Variants in ZBTB8A observed in about 807,000 individuals in gnomAD.
The protein encoded by ZBTB8A is zinc finger and BTB domain containing 8A.
ZBTB8A carries 19 observed loss-of-function variants against 37.8 expected under a neutral mutation model. The observed-to-expected ratio is 0.50, with a 90% CI of 0.35 to 0.74. The LOEUF is 0.74. Among genes scored for constraint, ZBTB8A ranks in the 30% least tolerant of loss-of-function variants. The pLI is 0.01. For synonymous variants in ZBTB8A, 181 were observed against 185.2 expected (o/e 0.98, Z 0.19); for missense variants, 394 against 537.8 (o/e 0.73, Z 2.65).
chr1:32,552,949 ATAT>A (rs1644169103), intron 1 of ZBTB8A, among the ~76,000 whole-genome samples: 1 of 148,644 alleles, frequency 6.7e-6, no homozygotes, highest in Non-Finnish European at 1.5e-5. Flanking sequence ...TTATATATTA[ATAT>A]TAATTATTAA....
At chr1:32,562,074 A>G (rs372880363) in intron 2 of ZBTB8A, among the ~76,000 whole-genome samples, 6 of 147,714 alleles carry the variant, frequency 4.1e-5, no homozygotes, top group African/African-American at 1.3e-4. Flanking sequence ...CTCAGCCTCC[A>G]AACTATAGGA....
intron 2 of ZBTB8A, among the ~76,000 whole-genome samples, chr1:32,591,280 G>A (rs978101678): frequency 6.6e-6 from 1 of 151,446 alleles, no homozygotes; most frequent in Admixed American, 6.6e-5. Flanking sequence ...GCATGATCAT[G>A]GCTCACTGCA....
At chr1:32,582,719 G>A (rs988585987) in intron 2 of ZBTB8A, among the ~76,000 whole-genome samples, 1 of 152,074 alleles carries the variant, frequency 6.6e-6, no homozygotes, top group African/African-American at 2.4e-5. Flanking sequence ...ATTCCCAGAT[G>A]TCTTGTTCCG....
intron 2 of ZBTB8A, 131 bp from the exon 3 acceptor site, chr1:32,592,800 G>A: frequency 1.4e-6 from 1 of 733,484 alleles, no homozygotes; most frequent in South Asian, 2.0e-5. Context: ...GAGCCACTGT[G>A]CCCAGCCACA....
chr1:32,594,833 TA>T (rs1233364361), intron 3 of ZBTB8A, among the ~76,000 whole-genome samples: 2 of 152,172 alleles, frequency 1.3e-5, no homozygotes, highest in Non-Finnish European at 2.9e-5. Flanking sequence ...ATACCGAAGT[TA>T]AAGTTCCATA....
Position 32,541,643 on chromosome 1 carries a change from A to C in ZBTB8A, c.-84+2071A>C, listed in dbSNP as rs144051445. ...GAGAAGTTTAGGCAGTTTGGTGTCTAGTGAGGGCTGCTCTTTGCTTCCAAG... is the reference window on the plus strand; with the variant it reads ...GAGAAGTTTAGGCAGTTTGGTGTCTCGTGAGGGCTGCTCTTTGCTTCCAAG... On this transcript the variant is annotated intron_variant, in intron 1 of 4. Coordinates refer to ENST00000373510, the MANE Select transcript of ZBTB8A (RefSeq NM_001040441.3). Among the ~76,000 whole-genome samples the C allele has an allele frequency of 7.6e-4, 115 of 152,302 alleles. No individual in the cohort carries two copies. The East Asian group carries it at 0.02, about 27-fold the overall frequency.
At position 32,541,959 on chromosome 1, in the gene ZBTB8A, G is replaced by A. The variant is rs80106997; in HGVS notation, c.-84+2387G>A. ...ACTGACTTACAATGGCTTGACTTAC[G>A]ATTTTTTGACTTTACAGTGCGTTTA... On this transcript the variant is annotated intron_variant, in intron 1 of 4. Coordinates refer to ENST00000373510, the MANE Select transcript of ZBTB8A (RefSeq NM_001040441.3). 7.4e-4 allele frequency among the ~76,000 whole-genome samples: 112 copies of A among 152,198 alleles called. 2 individuals carry two copies. The East Asian group carries it at 0.019, about 26-fold the overall frequency.
At chr1:32,544,322 G>A (rs1324423278) in intron 1 of ZBTB8A, among the ~76,000 whole-genome samples, 1 of 152,220 alleles carries the variant, frequency 6.6e-6, no homozygotes, top group Non-Finnish European at 1.5e-5. Context: ...ATAGCCTATG[G>A]CTCCTAGGCT....
intron 1 of ZBTB8A, among the ~76,000 whole-genome samples, chr1:32,547,645 A>G (rs891565228): frequency 2.8e-5 from 4 of 140,502 alleles, no homozygotes; most frequent in East Asian, 2.1e-4. Flanking sequence ...AAAAAAAAAG[A>G]AAGAAAAAAA....
At chr1:32,545,677 T>C (rs899905951) in intron 1 of ZBTB8A, among the ~76,000 whole-genome samples, 3 of 152,222 alleles carry the variant, frequency 2.0e-5, no homozygotes, top group Non-Finnish European at 4.4e-5. Flanking sequence ...AGTCTCTAGC[T>C]ATAGCAAACT....
chr1:32,577,586 CTTT>C (rs775868211), intron 2 of ZBTB8A, among the ~76,000 whole-genome samples: 2 of 86,758 alleles, frequency 2.3e-5, no homozygotes, highest in Admixed American at 2.6e-4. Flanking sequence ...ATATTGTATT[CTTT>C]TTTTTTTTTT....
At chr1:32,589,622 T>A (rs2148247651) in intron 2 of ZBTB8A, among the ~76,000 whole-genome samples, 1 of 151,954 alleles carries the variant, frequency 6.6e-6, no homozygotes, top group East Asian at 1.9e-4. Flanking sequence ...CAATCTCTGC[T>A]CACTACAGCC....
At chr1:32,539,845 T>TGGAGGCGGCGGCGG (rs1312080129) in intron 1 of ZBTB8A, among the ~76,000 whole-genome samples, 54 of 147,720 alleles carry the variant, frequency 3.7e-4, no homozygotes, top group Admixed American at 3.5e-3. Flanking sequence ...CGGAGCCTCC[T>TGGAGGCGGCGGCGG]GGAGGCGGCG....
intron 2 of ZBTB8A, among the ~76,000 whole-genome samples, chr1:32,554,619 C>T (rs1266168394): frequency 1.3e-5 from 2 of 151,880 alleles, no homozygotes; most frequent in Non-Finnish European, 2.9e-5. Context: ...ACTGGGATTA[C>T]AGGCACCTGC....
chr1:32,566,062 C>T (rs1172045736), intron 2 of ZBTB8A, among the ~76,000 whole-genome samples: 6 of 152,002 alleles, frequency 3.9e-5, no homozygotes, highest in Admixed American at 3.9e-4. Context: ...ATTAGCCAGG[C>T]GTGGTGGCGG....
chr1:32,556,579 G>A (rs1430746945), intron 2 of ZBTB8A, among the ~76,000 whole-genome samples: 1 of 149,058 alleles, frequency 6.7e-6, no homozygotes, highest in Admixed American at 6.7e-5. Flanking sequence ...CTTAATTTAA[G>A]AAAAAGCAAG....
At chr1:32,571,695 G>A (rs773789856) in intron 2 of ZBTB8A, among the ~76,000 whole-genome samples, 2 of 150,896 alleles carry the variant, frequency 1.3e-5, no homozygotes, top group Admixed American at 6.6e-5. Flanking sequence ...CTGCCTCAGC[G>A]TCCCAAATAG....
intron 2 of ZBTB8A, among the ~76,000 whole-genome samples, chr1:32,583,997 A>T (rs1460455328): frequency 1.3e-5 from 2 of 152,084 alleles, no homozygotes; most frequent in Non-Finnish European, 2.9e-5. Flanking sequence ...ACCTTAAGTG[A>T]TCCACCTGCC....
chr1:32,601,661 A>G lies in ZBTB8A; in HGVS notation c.*1242A>G. 1 of 398,602 alleles carries G rather than the reference A, an allele frequency of 2.5e-6. No individual in the cohort carries two copies. Among genetic ancestry groups the G allele is most frequent in the African/African-American group, 2.1e-5 (1 of 48,770 alleles). The allele number at this position is 398,602 out of a possible 1,614,324, so 24.7% of individuals were successfully genotyped here. On this transcript the variant is annotated 3_prime_UTR_variant, in exon 5 of 5. Coordinates refer to ENST00000373510, the MANE Select transcript of ZBTB8A (RefSeq NM_001040441.3). ...TGAGAGAGAAAACTGATGATTGGAC[A>G]GGATCTGATTTTAAACAATCCTCTT... is the stretch of plus-strand genomic sequence containing the variant.
Sources: allele counts gnomAD v4.1 joint callset (sites outside exome capture counted in the v4.1 genomes callset), GRCh38; gene constraint gnomAD v4.1.1; transcripts MANE v1.5; gene names NCBI Gene and HGNC (gene_info 2026-07-23, HGNC 2026-07-21).